Variants in DOCK4 observed in about 807,000 individuals in gnomAD.
The protein encoded by DOCK4 is dedicator of cytokinesis protein 4.
DOCK4 carries 97 observed loss-of-function variants against 268.1 expected under a neutral mutation model. The observed-to-expected ratio is 0.36, with a 90% CI of 0.31 to 0.43. The LOEUF (loss-of-function observed/expected upper bound fraction) is 0.43. Ranked by LOEUF, DOCK4 falls within the 20% of genes least tolerant of loss-of-function variation. The probability of loss-of-function intolerance (pLI) is 1.00; values close to 1 mark genes in which losing one functional copy is unlikely to be tolerated. For synonymous variants in DOCK4, 954 were observed against 887.2 expected (o/e 1.08, Z -1.34); for missense variants, 2,145 against 2,455.7 (o/e 0.87, Z 2.67).
chr7:111,929,836 A>T (rs1315309604), intron 12 of DOCK4, among the ~76,000 whole-genome samples: 1 of 152,244 alleles, frequency 6.6e-6, no homozygotes, highest in African/African-American at 2.4e-5. Context: ...TTCTAGGTGT[A>T]AGCTACATGT....
intron 44 of DOCK4, among the ~76,000 whole-genome samples, chr7:111,744,572 C>T (rs1471856169): frequency 6.6e-6 from 1 of 152,204 alleles, no homozygotes; most frequent in African/African-American, 2.4e-5. Flanking sequence ...GTCTTCTTGA[C>T]CCTGAGCTAC....
chr7:112,177,938 CT>C (rs1818672190), intron 1 of DOCK4, among the ~76,000 whole-genome samples: 2 of 152,226 alleles, frequency 1.3e-5, no homozygotes, highest in Admixed American at 1.3e-4. Context: ...TCTCATCTGC[CT>C]AGCACAGGCT....
chr7:111,816,084 A>C (rs1801531212), intron 27 of DOCK4, among the ~76,000 whole-genome samples: 1 of 152,176 alleles, frequency 6.6e-6, no homozygotes, highest in African/African-American at 2.4e-5. Flanking sequence ...ATGGTTTTCC[A>C]GTTGCCACCT....
At chr7:112,022,533 T>G (rs1489170790) in intron 1 of DOCK4, among the ~76,000 whole-genome samples, 1 of 152,188 alleles carries the variant, frequency 6.6e-6, no homozygotes, top group African/African-American at 2.4e-5. Context: ...TCCTGCTACT[T>G]ATTAACGACG....
intron 44 of DOCK4, among the ~76,000 whole-genome samples, chr7:111,743,625 T>C (rs1054758538): frequency 2.0e-5 from 3 of 152,096 alleles, no homozygotes; most frequent in African/African-American, 7.2e-5. Flanking sequence ...TCACAGAATG[T>C]TGCAAGTTGG....
At chr7:111,822,865 G>C (rs1337318482) in intron 26 of DOCK4, among the ~76,000 whole-genome samples, 3 of 152,222 alleles carry the variant, frequency 2.0e-5, no homozygotes, top group African/African-American at 7.2e-5. Flanking sequence ...TTTCCTTTAA[G>C]AGGGTGTCAA....
At chr7:111,981,011 T>G (rs935579602) in intron 7 of DOCK4, among the ~76,000 whole-genome samples, 1 of 152,202 alleles carries the variant, frequency 6.6e-6, no homozygotes, top group Non-Finnish European at 1.5e-5. Context: ...ACTGCTTAAA[T>G]GAACACAATT....
intron 4 of DOCK4, among the ~76,000 whole-genome samples, chr7:111,995,806 G>T (rs192919509): frequency 6.6e-6 from 1 of 152,176 alleles, no homozygotes; most frequent in Admixed American, 6.5e-5. Flanking sequence ...TCGCAGTGCT[G>T]CTAAAATACT....
chr7:111,761,197 T>C (rs1236666311), intron 39 of DOCK4, among the ~76,000 whole-genome samples: 6 of 152,000 alleles, frequency 3.9e-5, no homozygotes, highest in Non-Finnish European at 4.4e-5. Context: ...GTAGCTAGAA[T>C]GACAGGTGTG....
intron 16 of DOCK4, among the ~76,000 whole-genome samples, chr7:111,893,677 T>C (rs1341220724): frequency 6.6e-6 from 1 of 152,228 alleles, no homozygotes; most frequent in South Asian, 2.1e-4. Flanking sequence ...TTCTGGTTAC[T>C]ATGCTTTAAA....
chr7:112,114,347 G>A (rs1811936817), intron 1 of DOCK4, among the ~76,000 whole-genome samples: 1 of 152,122 alleles, frequency 6.6e-6, no homozygotes, highest in African/African-American at 2.4e-5. Flanking sequence ...CTCAGTGGCA[G>A]AAATAACACA....
intron 1 of DOCK4, among the ~76,000 whole-genome samples, chr7:112,023,974 T>C (rs1234834187): frequency 2.6e-5 from 4 of 152,264 alleles, no homozygotes; most frequent in African/African-American, 7.2e-5. Context: ...TTATCAGTCA[T>C]AAATGCTGTT....
intron 9 of DOCK4, 85 bp from the exon 10 acceptor site, chr7:111,944,956 GAA>G: frequency 2.9e-6 from 3 of 1,035,656 alleles, no homozygotes; most frequent in Non-Finnish European, 4.5e-6. Context: ...AATAAAAGAA[GAA>G]AGAGATGGAC....
intron 52 of DOCK4, among the ~76,000 whole-genome samples, chr7:111,730,422 C>A (rs764866002): frequency 8.5e-5 from 13 of 152,172 alleles, no homozygotes; most frequent in South Asian, 2.1e-4. Context: ...ATGCTATCTT[C>A]TTAAGCTAAC....
At chr7:112,024,526 C>T (rs534258110) in intron 1 of DOCK4, among the ~76,000 whole-genome samples, 37 of 152,234 alleles carry the variant, frequency 2.4e-4, no homozygotes, top group Admixed American at 7.9e-4. Flanking sequence ...ACATCCTCTA[C>T]CCAACCCATC....
rs115411926 is a variant in DOCK4 at position 111,730,678 on chromosome 7, G to A, written c.5481+1548C>T. ...CCCCACTAAACTCTTATCAGTTAAG[G>A]CAGCACACTGCAAGGCTAGTAACAT... On this transcript the variant is annotated intron_variant, in intron 52 of 52. Coordinates refer to ENST00000428084, the MANE Select transcript of DOCK4 (RefSeq NM_001363540.2). Among the ~76,000 whole-genome samples, 1,145 of 152,116 alleles carry A rather than the reference G, an allele frequency of 7.5e-3. 20 individuals carry two copies. Among genetic ancestry groups the A allele is most frequent in the African/African-American group, 0.026 (1,092 of 41,494 alleles).
intron 12 of DOCK4, among the ~76,000 whole-genome samples, chr7:111,934,360 A>G (rs1356370472): frequency 6.6e-6 from 1 of 152,152 alleles, no homozygotes; most frequent in Non-Finnish European, 1.5e-5. Flanking sequence ...TATATATTTC[A>G]GTTCCTCTCT....
intron 1 of DOCK4, among the ~76,000 whole-genome samples, chr7:112,053,922 T>TGTCCAGGG (rs1805588505): frequency 6.6e-6 from 1 of 152,134 alleles, no homozygotes; most frequent in Non-Finnish European, 1.5e-5. Context: ...AAACAACAAA[T>TGTCCAGGG]GTCCAGGAGG....
chr7:111,738,011 C>T (rs1013374290), intron 49 of DOCK4, among the ~76,000 whole-genome samples: 2 of 152,210 alleles, frequency 1.3e-5, no homozygotes, highest in East Asian at 1.9e-4. Context: ...CATCCACTTC[C>T]GGATGTGGCT....
Sources: allele counts gnomAD v4.1 joint callset (sites outside exome capture counted in the v4.1 genomes callset), GRCh38; gene constraint gnomAD v4.1.1; transcripts MANE v1.5; gene names NCBI Gene and HGNC (gene_info 2026-07-23, HGNC 2026-07-21).